The following TPRKB variants were observed in gnomAD, a reference collection of about 807,000 sequenced individuals.
TPRKB encodes EKC/KEOPS complex subunit TPRKB.
A neutral mutation model predicts 17.8 loss-of-function variants in TPRKB; 11 were observed. That is an observed-to-expected ratio of 0.62 (90% confidence interval 0.39 to 1.02). TPRKB has a LOEUF of 1.02. Among genes scored for constraint, TPRKB ranks in the 50% least tolerant of loss-of-function variants. TPRKB has a pLI of 0.00. For missense variants in TPRKB, 228 were observed against 198.0 expected (o/e 1.15, Z -0.91); for synonymous variants, 71 against 69.5 (o/e 1.02, Z -0.11).
chr2:73,732,309 T>A, intron 2 of TPRKB, 24 bp from the exon 3 acceptor site: 1 of 1,606,694 alleles, frequency 6.2e-7, no homozygotes, highest in Non-Finnish European at 8.5e-7. Context: ...GAAAAAGAAT[T>A]AATTACACAT....
chr2:73,734,823 G>T (rs943978849), intron 1 of TPRKB, among the ~76,000 whole-genome samples: 3 of 152,238 alleles, frequency 2.0e-5, no homozygotes, highest in Non-Finnish European at 4.4e-5. Flanking sequence ...GTTGCTGTTT[G>T]TTCAGATGAG....
chr2:73,734,000 G>T (rs1329328652), intron 2 of TPRKB, among the ~76,000 whole-genome samples: 3 of 151,618 alleles, frequency 2.0e-5, no homozygotes, highest in Admixed American at 6.6e-5. Flanking sequence ...TAGAGACAGG[G>T]TTTCACCATA....
At position 73,730,014 on chromosome 2, in the gene TPRKB, A is replaced by C; in HGVS notation, c.457T>G (p.Ser153Ala). The change falls in exon 5 of 5, where the codon TCA becomes GCA. Residue 153 changes from serine to alanine, a missense_variant. By Grantham distance (99) the Ser-to-Ala change is moderately conservative (BLOSUM62 1). Coordinates refer to ENST00000272424, the MANE Select transcript of TPRKB (RefSeq NM_016058.5). ...TEVKKIYKLSSQEESIGTLLD... is the reference protein window; with the variant it reads ...TEVKKIYKLSAQEESIGTLLD... ...AATGTCCCAATACTTTCTTCTTGTG[A>C]AGAGAGTTTATATATCTGTAAAAAT... 1.9e-6 allele frequency: 3 copies of C among 1,572,118 alleles called. No individual in the cohort carries two copies. Among genetic ancestry groups the C allele is most frequent in the Non-Finnish European group, 2.6e-6 (3 of 1,156,424 alleles).
chr2:73,734,544 A>G lies in TPRKB; in HGVS notation c.26T>C (p.Leu9Pro). 1 of 1,613,500 alleles carries G rather than the reference A, an allele frequency of 6.2e-7. No homozygotes were observed. Among genetic ancestry groups the G allele is most frequent in the South Asian group, 1.1e-5 (1 of 90,934 alleles). Residue 9 changes from leucine to proline, a missense_variant, in exon 2 of 5, where the codon CTA becomes CCA. Coordinates refer to ENST00000272424, the MANE Select transcript of TPRKB (RefSeq NM_016058.5). ...AAGGGTTACCCTGCATTCGGGAAAT[A>G]GGTCCAGCTGATGTGTTAACTGCAT... MQLTHQLD[L>P]FPECRVTLLL... is the part of the protein sequence containing the mutation.
intron 4 of TPRKB, 97 bp downstream of exon 4, chr2:73,730,463 A>G: frequency 1.2e-6 from 1 of 826,642 alleles, no homozygotes; most frequent in South Asian, 2.0e-5. Context: ...CTTTCTCAAA[A>G]GTTCAAAAAA....
chr2:73,731,290 T>A (rs1671598883), intron 3 of TPRKB: 1 of 152,248 alleles, frequency 6.6e-6, no homozygotes, highest in Admixed American at 6.5e-5. Flanking sequence ...TTTTAACTTG[T>A]CTTGTTTATC....
At chr2:73,735,117 T>C (rs1283181474) in intron 1 of TPRKB, among the ~76,000 whole-genome samples, 1 of 151,914 alleles carries the variant, frequency 6.6e-6, no homozygotes, top group Non-Finnish European at 1.5e-5. Flanking sequence ...TCACCTGAGG[T>C]TGGGAGTTCG....
rs771048893 is a variant in TPRKB, at chr2:73,732,154, G to A, written c.264+9C>T. On this transcript the variant is annotated intron_variant, in intron 3 of 4. Coordinates refer to ENST00000272424, the MANE Select transcript of TPRKB (RefSeq NM_016058.5). ...ACACGGTCAACAGAAATAGGAAAGT[G>A]CACATTACATTGTTATTTGGGGAAA... is the stretch of plus-strand genomic sequence containing the variant. The A allele has an allele frequency of 8.7e-6, 14 of 1,612,036 alleles. No homozygotes were observed. In the East Asian group the frequency reaches 2.2e-4, roughly 26 times the overall value.
chr2:73,734,690 A>AC, intron 1 of TPRKB, 99 bp from the exon 2 acceptor site: 1 of 1,129,360 alleles, frequency 8.9e-7, no homozygotes, highest in African/African-American at 1.6e-5. Flanking sequence ...TAACTTGATA[A>AC]AAGTGTTAAA....
In TPRKB at chr2:73,729,947, A is replaced by G. The variant is rs1671516132; in HGVS notation, c.524T>C (p.Leu175Ser). 6.4e-7 allele frequency: 1 copy of G among 1,560,034 alleles called. No homozygotes were observed. The highest frequency in any genetic ancestry group is 2.3e-5 in the East Asian group (1 of 43,692). The change falls in exon 5 of 5, where the codon TTA becomes TCA. Residue 175 changes from leucine to serine, a missense_variant. Transcript: ENST00000272424. Reference protein sequence around the residue: ...IICRMSTKDVL With the variant: ...IICRMSTKDVS ...TTTGTTAATATTTCTGACATTTCATAAAACATCTTTTGTTGACATTCTACA... is the reference window on the plus strand; with the variant it reads ...TTTGTTAATATTTCTGACATTTCATGAAACATCTTTTGTTGACATTCTACA...
In TPRKB at chr2:73,730,652, T is replaced by C. The variant is rs1203441751; in HGVS notation, c.349A>G (p.Ile117Val). 6.9e-6 allele frequency: 11 copies of C among 1,592,952 alleles called. No homozygotes were observed. Among genetic ancestry groups the C allele is most frequent in the Non-Finnish European group, 8.5e-6 (10 of 1,173,052 alleles). The change falls in exon 4 of 5, where the codon ATA becomes GTA. Residue 117 changes from isoleucine (I) to valine (V), a missense_variant. Coordinates refer to ENST00000272424, the MANE Select transcript of TPRKB (RefSeq NM_016058.5). The stretch of plus-strand genomic sequence containing the variant: ...TGAGATATTAGGTATTCTTGATTTA[T>C]TTGTTTTTCTCCCTCTTCAATGTAA... Reference protein sequence around the residue: ...IVYIEEGEKQINQEYLISQVE... With the variant: ...IVYIEEGEKQVNQEYLISQVE...
At chr2:73,730,786 T>G in intron 3 of TPRKB, 50 bp from the exon 4 acceptor site, 1 of 1,326,822 alleles carries the variant, frequency 7.5e-7, no homozygotes, top group Non-Finnish European at 1.0e-6. Context: ...AACCATTGTT[T>G]CCTACGTCTG....
chr2:73,732,206 G>A lies in TPRKB; in HGVS notation c.221C>T (p.Thr74Ile). The change falls in exon 3 of 5, where the codon ACT becomes ATT. Residue 74 changes from threonine to isoleucine, a missense_variant. Coordinates refer to ENST00000272424, the MANE Select transcript of TPRKB (RefSeq NM_016058.5). Reference sequence around the variant, plus strand: ...GTTGAAAATAATTTCAGTAGATAGAGTTCTTGTCTTCATTTTTCCCAGTTT... The same window carrying A: ...GTTGAAAATAATTTCAGTAGATAGAATTCTTGTCTTCATTTTTCCCAGTTT... The part of the protein sequence containing the change: ...LYKLGKMKTR[T>I]LSTEIIFNLS... 3 of 1,613,934 alleles carry A rather than the reference G, an allele frequency of 1.9e-6. No homozygotes were observed. The highest frequency in any genetic ancestry group is 2.5e-6 in the Non-Finnish European group (3 of 1,179,846).
intron 4 of TPRKB, 149 bp downstream of exon 4, chr2:73,730,411 T>C: frequency 1.8e-6 from 1 of 570,252 alleles, no homozygotes; most frequent in East Asian, 3.4e-5. Flanking sequence ...CTCCCAGTTC[T>C]TTGTATCTGT....
At position 73,732,241 on chromosome 2, in the gene TPRKB, A is replaced by G. The variant is rs1335598678; in HGVS notation, c.186T>C (p.Val62=). The G allele has an allele frequency of 3.1e-6, 5 of 1,613,892 alleles. No individual in the cohort carries two copies. Among genetic ancestry groups the G allele is most frequent in the Non-Finnish European group, 4.2e-6 (5 of 1,179,942 alleles). The part of the protein sequence containing the change: ...FQILVAANKA[V]HLYKLGKMKT... ...TCATTTTTCCCAGTTTGTAGAGGTG[A>G]ACTGCTTTGTTTGCTGCCACAAGTA... Residue 62 remains valine, a synonymous_variant, in exon 3 of 5, where the codon GTT becomes GTC. Coordinates refer to ENST00000272424, the MANE Select transcript of TPRKB (RefSeq NM_016058.5).
intron 4 of TPRKB, 44 bp from the exon 5 acceptor site, chr2:73,730,073 T>G (rs763346955): frequency 2.9e-5 from 44 of 1,505,332 alleles, no homozygotes; most frequent in Middle Eastern, 3.5e-4. Flanking sequence ...ATATCGTCAT[T>G]CACTACTAAT....
At chr2:73,736,109 T>C (rs1405055833) in intron 1 of TPRKB, among the ~76,000 whole-genome samples, 1 of 152,172 alleles carries the variant, frequency 6.6e-6, no homozygotes, top group East Asian at 1.9e-4. Flanking sequence ...AAAAAGTTAA[T>C]GTTATCTCTT....
rs1303944899 is a variant in TPRKB at position 73,737,296 on chromosome 2, A to G, written c.-23+6T>C. On this transcript the variant is annotated splice_donor_region_variant and intron_variant, in intron 1 of 4. Transcript: ENST00000272424. ...GCCTGCCCGTTAGAGCGCAAGGAAA[A>G]CTCACCATCCGGCCCCCAGTGCGTC... 6.6e-6 allele frequency: 1 copy of G among 151,774 alleles called. No individual in the cohort carries two copies. The highest frequency in any genetic ancestry group is 2.4e-5 in the African/African-American group (1 of 41,280). 9.4% of individuals were successfully genotyped at this position (151,774 alleles called of 1,614,324 possible).
chr2:73,732,426 T>A lies in TPRKB; in HGVS notation c.142-141A>T. On this transcript the variant is annotated intron_variant, in intron 2 of 4. Transcript: ENST00000272424. ...ACGGTCTGTATTTTCAAAACTATTA[T>A]CCCGGCTGGGCACGGTGGCTCACAC... 5.8e-6 allele frequency: 6 copies of A among 1,038,148 alleles called. No homozygotes were observed. The South Asian group carries it at 1.0e-4, about 18-fold the overall frequency. 64.3% of individuals were successfully genotyped at this position (1,038,148 alleles called of 1,614,324 possible).
Sources: allele counts gnomAD v4.1 joint callset (sites outside exome capture counted in the v4.1 genomes callset), GRCh38; gene constraint gnomAD v4.1.1; transcripts MANE v1.5; gene names NCBI Gene and HGNC (gene_info 2026-07-23, HGNC 2026-07-21).